CCDC38: variants seen among roughly 807,000 people sequenced by gnomAD.
CCDC38 encodes coiled-coil domain-containing protein 38.
Under a neutral mutation model 72.8 loss-of-function variants are expected in CCDC38, and 69 were observed. That is an observed-to-expected ratio of 0.95 (90% CI 0.78 to 1.16). The LOEUF is 1.16. CCDC38 is among the 50% of genes most tolerant of loss of function. CCDC38 has a pLI of 0.00. For synonymous variants in CCDC38, 201 were observed against 213.2 expected, an observed-to-expected ratio of 0.94 and a Z score of 0.50; for missense variants, 626 against 638.9, an observed-to-expected ratio of 0.98 and a Z score of 0.22.
intron 4 of CCDC38, among the ~76,000 whole-genome samples, chr12:95,908,001 C>G (rs1013665471): frequency 8.7e-4 from 128 of 147,172 alleles, no homozygotes; most frequent in African/African-American, 2.4e-3. Flanking sequence ...AGACGATGGG[C>G]GGCCAGGCAG....
At chr12:95,936,356 A>T (rs2080393829) in intron 2 of CCDC38, 117 bp downstream of exon 2, 5 of 919,520 alleles carry the variant, frequency 5.4e-6, no homozygotes, top group East Asian at 2.8e-5. Context: ...GTAGTTTATA[A>T]ACTCATTACA....
intron 13 of CCDC38, among the ~76,000 whole-genome samples, chr12:95,877,063 G>A (rs2079643659): frequency 1.3e-5 from 2 of 152,068 alleles, no homozygotes; most frequent in Admixed American, 1.3e-4. Flanking sequence ...AAGTTTTATT[G>A]GGGATGAAGA....
intron 5 of CCDC38, among the ~76,000 whole-genome samples, chr12:95,901,414 T>G (rs1185568487): frequency 6.6e-6 from 1 of 152,148 alleles, no homozygotes; most frequent in Admixed American, 6.5e-5. Context: ...GAATTACAGT[T>G]GCATCTGTGA....
chr12:95,903,260 A>T (rs2079968318), intron 5 of CCDC38: 4 of 468,292 alleles, frequency 8.5e-6, no homozygotes, highest in Non-Finnish European at 1.5e-5. Context: ...CAACCTTGCT[A>T]AACTCATAGG....
At chr12:95,938,565 C>T (rs1177895333) in intron 1 of CCDC38, among the ~76,000 whole-genome samples, 1 of 152,180 alleles carries the variant, frequency 6.6e-6, no homozygotes, top group Admixed American at 6.5e-5. Flanking sequence ...GATATCTGCT[C>T]TTATTCTGTC....
At chr12:95,867,438 A>G (rs1375121231) in intron 15 of CCDC38, among the ~76,000 whole-genome samples, 3 of 152,166 alleles carry the variant, frequency 2.0e-5, no homozygotes, top group African/African-American at 4.8e-5. Context: ...GAAGTGGGAA[A>G]ACTTAGGTAA....
Position 95,878,293 on chromosome 12 carries a change from CAGTT to C in CCDC38, c.1192_1195del (p.Asn398ValfsTer2). On this transcript the variant is annotated frameshift_variant, in exon 13 of 16. Transcript: ENST00000344280. LOFTEE classifies it high-confidence loss of function. ...TGCTGCTTTCTCTTCTTCTCTCACA[CAGTT>C]AGCTTTAAGCATTTTTTCTTGCTCC... 6.2e-7 allele frequency: 1 copy of C among 1,613,632 alleles called. No individual in the cohort carries two copies. The highest frequency in any genetic ancestry group is 8.5e-7 in the Non-Finnish European group (1 of 1,179,794).
chr12:95,900,774 T>C (rs1565953733), intron 5 of CCDC38, among the ~76,000 whole-genome samples: 1 of 152,152 alleles, frequency 6.6e-6, no homozygotes, highest in East Asian at 1.9e-4. Flanking sequence ...CTCAAAAAAA[T>C]CCCCCTTTAA....
intron 4 of CCDC38, among the ~76,000 whole-genome samples, chr12:95,907,688 G>T (rs2080025318): frequency 6.9e-6 from 1 of 145,184 alleles, no homozygotes; most frequent in African/African-American, 2.6e-5. Context: ...CTCAGACGGG[G>T]CGGCTGCTGG....
At position 95,907,578 on chromosome 12, in the gene CCDC38, G is replaced by T. The variant is rs1049119021; in HGVS notation, c.305-1127C>A. 7.3e-5 allele frequency among the ~76,000 whole-genome samples: 10 copies of T among 136,200 alleles called. 1 individual carries two copies. The highest frequency in any genetic ancestry group is 4.1e-4 in the Admixed American group (6 of 14,538). 89.4% of individuals were successfully genotyped at this position (136,200 alleles called of 152,430 possible). ...GGACGAGGCGGCTGGCCAGGCGGGG[G>T]ACTGACACCCCCACCTCCCTCCCGG... On this transcript the variant is annotated intron_variant, in intron 4 of 15. Transcript: ENST00000344280.
At chr12:95,909,135 A>G (rs946684807) in intron 4 of CCDC38, among the ~76,000 whole-genome samples, 8 of 152,218 alleles carry the variant, frequency 5.3e-5, no homozygotes, top group Admixed American at 2.0e-4. Flanking sequence ...AAAGAAAAAC[A>G]AGATTGACAG....
chr12:95,909,950 G>GAACAGGT (rs778467107), intron 4 of CCDC38, among the ~76,000 whole-genome samples: 46 of 152,264 alleles, frequency 3.0e-4, no homozygotes, highest in Non-Finnish European at 5.3e-4. Context: ...ACATCATACG[G>GAACAGGT]AACAGGTAAA....
intron 4 of CCDC38, among the ~76,000 whole-genome samples, chr12:95,916,184 C>T (rs1440931117): frequency 2.0e-5 from 3 of 152,184 alleles, no homozygotes; most frequent in South Asian, 2.1e-4. Context: ...CTATCATTTG[C>T]TGCTTTTACA....
chr12:95,872,816 C>A (rs76540168), intron 13 of CCDC38, among the ~76,000 whole-genome samples: 5,997 of 152,274 alleles, frequency 0.039, 400 homozygotes, highest in African/African-American at 0.14. Flanking sequence ...CTCAGGTGAT[C>A]GAGCTGCCTC....
intron 2 of CCDC38, chr12:95,934,849 A>G (rs1442682380): frequency 1.3e-5 from 2 of 152,118 alleles, no homozygotes; most frequent in Non-Finnish European, 2.9e-5. Context: ...TCTCTACTAA[A>G]AATACAAAAA....
chr12:95,908,465 G>A (rs1376094127), intron 4 of CCDC38, among the ~76,000 whole-genome samples: 1 of 252 alleles, frequency 4.0e-3, no homozygotes, highest in African/African-American at 0.045. Context: ...GAGAGGGAGA[G>A]GGAGAGGGAG....
rs2079920226 is a variant in CCDC38, at chr12:95,898,737, G to A, written c.370-6C>T. On this transcript the variant is annotated splice_polypyrimidine_tract_variant and splice_region_variant and intron_variant, in intron 5 of 15. Transcript: ENST00000344280. ...CTTTTGGTTGACAAAGCATACTAGG[G>A]GCATTGAAGACAGAGGTGTAAAAAC... The A allele has an allele frequency of 6.2e-7, 1 of 1,611,990 alleles. No homozygotes were observed. Among genetic ancestry groups the A allele is most frequent in the Non-Finnish European group, 8.5e-7 (1 of 1,179,556 alleles).
chr12:95,895,175 G>T (rs1420223230), intron 7 of CCDC38, 29 bp from the exon 8 acceptor site: 2 of 1,532,872 alleles, frequency 1.3e-6, no homozygotes, highest in African/African-American at 2.8e-5. Context: ...GATATGATTA[G>T]GTATATCAGT....
At chr12:95,871,077 C>T (rs139956526) in intron 14 of CCDC38, among the ~76,000 whole-genome samples, 1 of 152,268 alleles carries the variant, frequency 6.6e-6, no homozygotes, top group Non-Finnish European at 1.5e-5. Context: ...ACTAGTCTGC[C>T]TCTCAACATG....
Sources: gnomAD v4.1 joint callset for allele counts (sites outside exome capture counted in the v4.1 genomes callset) on GRCh38, gnomAD v4.1.1 for gene constraint, MANE v1.5 for transcripts, NCBI Gene and HGNC (gene_info 2026-07-23, HGNC 2026-07-21) for gene names.